The following KMT2D variants were observed in gnomAD, a reference collection of about 807,000 sequenced individuals.
KMT2D encodes the protein lysine methyltransferase 2D, also known as histone-lysine N-methyltransferase 2D.
KMT2D carries 55 observed loss-of-function variants against 512.7 expected under a neutral mutation model. The observed-to-expected ratio is 0.11, with a 90% CI of 0.09 to 0.13. The LOEUF (loss-of-function observed/expected upper bound fraction) is 0.13, where lower values mean the gene tolerates loss of function less well. Among genes scored for constraint, KMT2D ranks in the 10% least tolerant of loss-of-function variants. The pLI is 1.00. For synonymous variants in KMT2D, 2,995 were observed against 2,904.0 expected, an observed-to-expected ratio of 1.03 and a Z score of -1.01; for missense variants, 6,061 against 7,127.9, an observed-to-expected ratio of 0.85 and a Z score of 5.39.
rs1943789644 is a variant in KMT2D at position 49,046,461 on chromosome 12, C to G, written c.4419-37G>C. The G allele has an allele frequency of 6.2e-7, 1 of 1,606,880 alleles. No homozygotes were observed. The highest frequency in any genetic ancestry group is 1.7e-4 in the Middle Eastern group (1 of 6,044). On this transcript the variant is annotated intron_variant, in intron 16 of 54. Coordinates refer to ENST00000301067, the MANE Select transcript of KMT2D (RefSeq NM_003482.4). The surrounding 1 kb of genome is among the most constrained non-coding windows in gnomAD (Gnocchi z 4.2). ...AGGAAAACAGAGCTTTAGCACCCAA[C>G]CTACCCGAAGTACCCAGAAGTCCCC... is the stretch of plus-strand genomic sequence containing the variant.
chr12:49,033,114 T>C lies in KMT2D; in HGVS notation c.11591A>G (p.His3864Arg). Residue 3864 changes from histidine to arginine, a missense_variant, in exon 40 of 55, where the codon CAC becomes CGC. Coordinates refer to ENST00000301067, the MANE Select transcript of KMT2D (RefSeq NM_003482.4). Reference sequence around the variant, plus strand: ...CCCTGCCATGGACCCTTGCTGTTGGTGCTGTTGTTGCTGCTGCTGCTGCTG... The same window carrying C: ...CCCTGCCATGGACCCTTGCTGTTGGCGCTGTTGTTGCTGCTGCTGCTGCTG... ...TAQQQQQQQQ[H>R]QQQGSMAGLS... The C allele has an allele frequency of 6.4e-6, 10 of 1,551,580 alleles. No individual in the cohort carries two copies. Among genetic ancestry groups the C allele is most frequent in the Non-Finnish European group, 8.7e-6 (10 of 1,146,918 alleles).
In KMT2D at chr12:49,036,478, ATT is replaced by A. The variant is rs34412400; in HGVS notation, c.10231+645_10231+646del. Reference sequence around the variant, plus strand: ...AGGCGTGCACCACCACACCCAGCTAATTTTTTTTTTTTTTTTTTTTTTTTTTT... The same window carrying A: ...AGGCGTGCACCACCACACCCAGCTAATTTTTTTTTTTTTTTTTTTTTTTTT... On this transcript the variant is annotated intron_variant, in intron 35 of 54. Transcript: ENST00000301067. 7.2e-3 allele frequency among the ~76,000 whole-genome samples: 532 copies of A among 73,384 alleles called. 5 individuals carry two copies. Among genetic ancestry groups the A allele is most frequent in the African/African-American group, 0.027 (473 of 17,764 alleles). 48.1% of individuals were successfully genotyped at this position (73,384 alleles called of 152,430 possible). A position where few individuals can be genotyped will look rare whatever the true frequency, so the allele number is the denominator to read the frequency against.
In KMT2D at chr12:49,053,330, G is replaced by C; in HGVS notation, c.840-9C>G. ...AGTCATTCCCAGGTTTCCTGCAGGT[G>C]CACATGGAACATTACAGTGTCCTCT... is the stretch of plus-strand genomic sequence containing the variant. On this transcript the variant is annotated splice_polypyrimidine_tract_variant and intron_variant, in intron 7 of 54. Transcript: ENST00000301067. 6.2e-7 allele frequency: 1 copy of C among 1,609,420 alleles called. No homozygotes were observed. Among genetic ancestry groups the C allele is most frequent in the South Asian group, 1.1e-5 (1 of 90,994 alleles).
At chr12:49,036,334 C>CAA (rs998443226) in intron 35 of KMT2D, among the ~76,000 whole-genome samples, 5 of 148,588 alleles carry the variant, frequency 3.4e-5, no homozygotes, top group Non-Finnish European at 5.9e-5. Flanking sequence ...TTTTTTAAGA[C>CAA]AGAGTCTCGC....
rs538588651 is a variant in KMT2D, at chr12:49,052,236, A to G, written c.1447T>C (p.Leu483=). The change falls in exon 11 of 55, where the codon TTG becomes CTG. Residue 483 remains leucine, a synonymous_variant. Coordinates refer to ENST00000301067, the MANE Select transcript of KMT2D (RefSeq NM_003482.4). ...ELPASPLPEA[L]HLSRPLEESP... is the part of the protein sequence containing the mutation. ...TCCTCCAGCGGCCGGGACAGGTGCA[A>G]TGCCTCAGGAAGTGGGGATGCGGGC... 3.7e-6 allele frequency: 6 copies of G among 1,611,880 alleles called. No individual in the cohort carries two copies. In the African/African-American group the frequency reaches 6.7e-5, roughly 18 times the overall value.
Position 49,041,479 on chromosome 12 carries a change from A to C in KMT2D, c.6291T>G (p.Thr2097=). 1.2e-6 allele frequency: 2 copies of C among 1,613,554 alleles called. No individual in the cohort carries two copies. Among genetic ancestry groups the C allele is most frequent in the Non-Finnish European group, 1.7e-6 (2 of 1,179,640 alleles). The stretch of plus-strand genomic sequence containing the variant: ...TGCGGAGATGTAGGGCCGGTCGGTC[A>C]GTCTTACGGGCTATGTCGCCCACCT... ...QTKVGDIARK[T]DRPALHLRIP... is the part of the protein sequence containing the mutation. Residue 2097 remains threonine, a synonymous_variant, in exon 32 of 55, where the codon ACT becomes ACG. Transcript: ENST00000301067. The surrounding 1 kb of genome is among the most constrained non-coding windows in gnomAD (Gnocchi z 5.4).
At position 49,041,634 on chromosome 12, in the gene KMT2D, C is replaced by T; in HGVS notation, c.6234+21G>A. ...GGCCACCCACTAGAGGACTGCTACA[C>T]CCCAGCCCAGCCCCACTCACCTTCT... On this transcript the variant is annotated intron_variant, in intron 31 of 54. Coordinates refer to ENST00000301067, the MANE Select transcript of KMT2D (RefSeq NM_003482.4). This position sits in a 1 kb window ranked among gnomAD's most constrained non-coding sequence, Gnocchi z 5.4. 1 of 1,613,418 alleles carries T rather than the reference C, an allele frequency of 6.2e-7. No individual in the cohort carries two copies.
chr12:49,032,915 C>G lies in KMT2D; in HGVS notation c.11790G>C (p.Gln3930His). ...LQQQQQLQQQ[Q>H]LQQQQQQQQL... ...GCTGCTGCTGTTGCTGCTGTTGAAG[C>G]TGTTGCTGCTGAAGTTGCTGTTGCT... Residue 3930 changes from glutamine (Q) to histidine (H), a missense_variant, in exon 40 of 55, where the codon CAG becomes CAC. Around this residue, in one of 16 missense-constraint regions of KMT2D, gnomAD observed 1,600 missense variants for 1,754.9 expected, o/e 0.91. Coordinates refer to ENST00000301067, the MANE Select transcript of KMT2D (RefSeq NM_003482.4). 6.5e-7 allele frequency: 1 copy of G among 1,550,202 alleles called. No individual in the cohort carries two copies. The highest frequency in any genetic ancestry group is 8.7e-7 in the Non-Finnish European group (1 of 1,146,916).
At chr12:49,021,970 T>C in intron 54 of KMT2D, 73 bp downstream of exon 54, 1 of 1,551,038 alleles carries the variant, frequency 6.4e-7, no homozygotes, top group Non-Finnish European at 8.9e-7. Flanking sequence ...GGAATCCACA[T>C]TTAGGGAATG....
rs771315206 is a variant in KMT2D at position 49,044,267 on chromosome 12, G to T, written c.5121C>A (p.His1707Gln). The change falls in exon 22 of 55, where the codon CAC becomes CAA. Residue 1707 changes from histidine (H) to glutamine (Q), a missense_variant. By Grantham distance (24) the His-to-Gln change is conservative. This residue lies in a region of KMT2D where 640 missense variants were observed against 814.3 expected (regional missense o/e 0.79). Transcript: ENST00000301067. This position sits in a 1 kb window ranked among gnomAD's most constrained non-coding sequence, Gnocchi z 6.4. ...CAGCAGGCCCCTTTTTCGTGCGTGTGTGGGATTTCCGCTGTCGCACCATGA... is the reference window on the plus strand; with the variant it reads ...CAGCAGGCCCCTTTTTCGTGCGTGTTTGGGATTTCCGCTGTCGCACCATGA... ...GGFMVRQRKSHTRTKKGPAAQ... is the reference protein window; with the variant it reads ...GGFMVRQRKSQTRTKKGPAAQ... 1.3e-5 allele frequency: 21 copies of T among 1,613,360 alleles called. No homozygotes were observed. In the South Asian group the frequency reaches 2.0e-4, roughly 15 times the overall value.
rs1323674463 is a variant in KMT2D, at chr12:49,043,743, T to C, written c.5359A>G (p.Lys1787Glu). The C allele has an allele frequency of 6.2e-7, 1 of 1,613,872 alleles. No homozygotes were observed. Among genetic ancestry groups the C allele is most frequent in the South Asian group, 1.1e-5 (1 of 91,086 alleles). ...CCCACCCCAACTGCAAAAAGGGCCT[T>C]ACGGCTCAGGTCCAGCAGCTCCTTC... ...FGKELLDLSRKALFAVGVGRP... is the reference protein window; with the variant it reads ...FGKELLDLSREALFAVGVGRP... Residue 1787 changes from lysine (K) to glutamate (E), a missense_variant, in exon 24 of 55, where the codon AAG becomes GAG. Lys to Glu is a moderately conservative substitution (Grantham distance 56). Coordinates refer to ENST00000301067, the MANE Select transcript of KMT2D (RefSeq NM_003482.4).
In KMT2D at chr12:49,042,956, C is replaced by A; in HGVS notation, c.5645-78G>T. 1 of 1,592,188 alleles carries A rather than the reference C, an allele frequency of 6.3e-7. No individual in the cohort carries two copies. Among genetic ancestry groups the A allele is most frequent in the Non-Finnish European group, 8.6e-7 (1 of 1,162,264 alleles). ...CCACAGGTCTACAAATGATCATGGC[C>A]AGGAACAGTCCAGGACTCCCCACCA... On this transcript the variant is annotated intron_variant, in intron 26 of 54. Transcript: ENST00000301067. This position sits in a 1 kb window ranked among gnomAD's most constrained non-coding sequence, Gnocchi z 4.4.
At position 49,039,922 on chromosome 12, in the gene KMT2D, C is replaced by T. The variant is rs2120519690; in HGVS notation, c.7848G>A (p.Leu2616=). 1 of 1,613,968 alleles carries T rather than the reference C, an allele frequency of 6.2e-7. No homozygotes were observed. Among genetic ancestry groups the T allele is most frequent in the East Asian group, 2.2e-5 (1 of 44,872 alleles). Residue 2616 remains leucine, a synonymous_variant, in exon 32 of 55, where the codon CTG becomes CTA. Transcript: ENST00000301067. The surrounding 1 kb of genome is among the most constrained non-coding windows in gnomAD (Gnocchi z 5.0). ...GLSPLRPPSV[L]PPPAPDGSLP... is the part of the protein sequence containing the mutation. ...GGGATCCGTCGGGTGCAGGTGGTGG[C>T]AGAACCGACGGAGGGCGTAGTGGGG... is the stretch of plus-strand genomic sequence containing the variant.
Position 49,040,881 on chromosome 12 carries a change from G to A in KMT2D, c.6889C>T (p.Pro2297Ser), listed in dbSNP as rs748334191. The A allele has an allele frequency of 3.7e-6, 6 of 1,613,882 alleles. No individual in the cohort carries two copies. The South Asian group carries it at 6.6e-5, about 18-fold the overall frequency. Residue 2297 changes from proline to serine, a missense_variant, in exon 32 of 55, where the codon CCT becomes TCT. Around this residue, in one of 16 missense-constraint regions of KMT2D, gnomAD observed 710 missense variants for 647.3 expected, o/e 1.10. Coordinates refer to ENST00000301067, the MANE Select transcript of KMT2D (RefSeq NM_003482.4). ...VKKEELGASS[P>S]SYGPPNLGFV... ...CCCAGGTTTGGGGGCCCATAGCTAG[G>A]AGAGGATGCCCCAAGCTCTTCCTTC...
Position 49,050,805 on chromosome 12 carries a change from A to C in KMT2D, c.2798-15T>G. 1 of 1,591,422 alleles carries C rather than the reference A, an allele frequency of 6.3e-7. No homozygotes were observed. The highest frequency in any genetic ancestry group is 8.6e-7 in the Non-Finnish European group (1 of 1,165,602). ...AGGAAGGGGATCTGGAAGGAAAGAG[A>C]AAAAAGAAGGGCTCTTAGATTAGAT... On this transcript the variant is annotated splice_polypyrimidine_tract_variant and intron_variant, in intron 11 of 54. Coordinates refer to ENST00000301067, the MANE Select transcript of KMT2D (RefSeq NM_003482.4).
At chr12:49,037,012 T>C in intron 35 of KMT2D, 113 bp downstream of exon 35, 1 of 1,374,092 alleles carries the variant, frequency 7.3e-7, no homozygotes, top group Non-Finnish European at 9.7e-7. Flanking sequence ...TTAGCCAAAG[T>C]TCTTTGTGTC....
Position 49,038,450 on chromosome 12 carries a change from G to A in KMT2D, c.8906C>T (p.Ser2969Leu), listed in dbSNP as rs762096305. 24 of 1,609,950 alleles carry A rather than the reference G, an allele frequency of 1.5e-5. No individual in the cohort carries two copies. The highest frequency in any genetic ancestry group is 1.2e-4 in the African/African-American group (9 of 74,788). ...ATTGGGGCGGCCAAGCTCAGTGCTC[G>A]ACGGGGGCCGGTTGACCAGCTCCAA... is the stretch of plus-strand genomic sequence containing the variant. ...TGLELVNRPPSSTELGRPNPL... is the reference protein window; with the variant it reads ...TGLELVNRPPLSTELGRPNPL... Residue 2969 changes from serine (S) to leucine (L), a missense_variant, in exon 35 of 55, where the codon TCG becomes TTG. Ser to Leu is a moderately radical substitution (Grantham distance 145). This residue lies in a region of KMT2D where 527 missense variants were observed against 578.9 expected (regional missense o/e 0.91). Coordinates refer to ENST00000301067, the MANE Select transcript of KMT2D (RefSeq NM_003482.4). The surrounding 1 kb of genome is among the most constrained non-coding windows in gnomAD (Gnocchi z 5.7).
In KMT2D at chr12:49,042,455, AG is replaced by A; in HGVS notation, c.5867+105del. Reference sequence around the variant, plus strand: ...GAGGGTCACTAACAAGGGAATGGGGAGGAGCAGGGGAAGTGCTGCAGGAGTC... The same window carrying A: ...GAGGGTCACTAACAAGGGAATGGGGAGAGCAGGGGAAGTGCTGCAGGAGTC... On this transcript the variant is annotated intron_variant, in intron 28 of 54. Coordinates refer to ENST00000301067, the MANE Select transcript of KMT2D (RefSeq NM_003482.4). This position sits in a 1 kb window ranked among gnomAD's most constrained non-coding sequence, Gnocchi z 4.4. 2 of 1,519,408 alleles carry A rather than the reference AG, an allele frequency of 1.3e-6. No homozygotes were observed. Among genetic ancestry groups the A allele is most frequent in the Non-Finnish European group, 1.8e-6 (2 of 1,120,526 alleles). 94.1% of individuals were successfully genotyped at this position (1,519,408 alleles called of 1,614,324 possible). A position where few individuals can be genotyped will look rare whatever the true frequency, so the allele number is the denominator to read the frequency against.
intron 15 of KMT2D, among the ~76,000 whole-genome samples, chr12:49,047,213 T>G (rs1033113388): frequency 1.3e-5 from 2 of 151,908 alleles, no homozygotes; most frequent in Non-Finnish European, 2.9e-5. Flanking sequence ...AGGCCTCCAT[T>G]TGAGCACACA....
Sources: allele counts gnomAD v4.1 joint callset (sites outside exome capture counted in the v4.1 genomes callset), GRCh38; gene constraint gnomAD v4.1.1; regional missense constraint gnomAD v4.1.1; non-coding constraint Gnocchi (gnomAD v3.1); transcripts MANE v1.5; gene names NCBI Gene and HGNC (gene_info 2026-07-23, HGNC 2026-07-21).